TBC1D19: variants seen among roughly 807,000 people sequenced by gnomAD.
The protein encoded by TBC1D19 is TBC1 domain family member 19.
A neutral mutation model predicts 89.0 loss-of-function variants in TBC1D19; 60 were observed. That is an observed-to-expected ratio of 0.67 (90% confidence interval 0.55 to 0.84). The LOEUF (loss-of-function observed/expected upper bound fraction) is 0.84, where lower values mean the gene tolerates loss of function less well. Among genes scored for constraint, TBC1D19 ranks in the 40% least tolerant of loss-of-function variants. The pLI is 0.00. For missense variants in TBC1D19, 500 were observed against 610.8 expected, an observed-to-expected ratio of 0.82 and a Z score of 1.91; for synonymous variants, 189 against 199.7, an observed-to-expected ratio of 0.95 and a Z score of 0.45.
the TBC1D19 span, among the ~76,000 whole-genome samples, chr4:26,794,219 T>TA: frequency 6.6e-6 from 1 of 152,248 alleles, no homozygotes; most frequent in Non-Finnish European, 1.5e-5. Flanking sequence ...GAATTGCTGT[T>TA]ATTTATATTT....
At chr4:26,800,564 C>A in the TBC1D19 span, among the ~76,000 whole-genome samples, 1 of 152,202 alleles carries the variant, frequency 6.6e-6, no homozygotes, top group South Asian at 2.1e-4. Flanking sequence ...AGTTCTAGAT[C>A]CCTGAGGAAT....
intron 1 of TBC1D19, among the ~76,000 whole-genome samples, chr4:26,605,142 T>C (rs1225053094): frequency 2.6e-5 from 4 of 151,558 alleles, no homozygotes; most frequent in Admixed American, 2.0e-4. Flanking sequence ...CATGCTGGTG[T>C]GCTGCACCCA....
At chr4:26,596,905 G>T (rs57698251) in intron 1 of TBC1D19, among the ~76,000 whole-genome samples, 1,768 of 152,234 alleles carry the variant, frequency 0.012, 44 homozygotes, top group African/African-American at 0.041. Context: ...TACTTTAAAA[G>T]ATATTTTTGT....
At position 26,750,501 on chromosome 4, in the gene TBC1D19, C is replaced by A. The variant is rs376878332; in HGVS notation, c.1435+1975C>A. 3.7e-3 allele frequency among the ~76,000 whole-genome samples: 567 copies of A among 152,300 alleles called. 1 individual carries two copies. Among genetic ancestry groups the A allele is most frequent in the South Asian group, 0.028 (134 of 4,822 alleles). On this transcript the variant is annotated intron_variant, in intron 19 of 20. Transcript: ENST00000264866. ...ATTAGAAAACCTCCAAGCCCTCTTT[C>A]AATTTAAATTCTCTCATTCTGTGCC...
chr4:26,755,026 C>G lies in TBC1D19; in HGVS notation c.*79C>G. 1 of 1,278,022 alleles carries G rather than the reference C, an allele frequency of 7.8e-7. No homozygotes were observed. The highest frequency in any genetic ancestry group is 1.1e-6 in the Non-Finnish European group (1 of 930,624). The allele number at this position is 1,278,022 out of a possible 1,614,324, so 79.2% of individuals were successfully genotyped here. A position where few individuals can be genotyped will look rare whatever the true frequency, so the allele number is the denominator to read the frequency against. On this transcript the variant is annotated 3_prime_UTR_variant, in exon 21 of 21. Coordinates refer to ENST00000264866, the MANE Select transcript of TBC1D19 (RefSeq NM_018317.4). ...GAACTATGCAAACTCTGCATAAAAC[C>G]AAAATGAAACTTTGCATATAAGCCA...
chr4:26,842,403 G>A, the TBC1D19 span, among the ~76,000 whole-genome samples: 1 of 125,718 alleles, frequency 8.0e-6, no homozygotes, highest in Non-Finnish European at 1.6e-5. Context: ...GGAGTGCAGT[G>A]GTGTGATCAC....
At chr4:26,656,311 T>C (rs1744800580) in intron 7 of TBC1D19, among the ~76,000 whole-genome samples, 1 of 152,094 alleles carries the variant, frequency 6.6e-6, no homozygotes, top group South Asian at 2.1e-4. Context: ...TTTCATGTCA[T>C]TACCCATATT....
the TBC1D19 span, among the ~76,000 whole-genome samples, chr4:26,769,768 G>A: frequency 7.9e-5 from 12 of 151,738 alleles, no homozygotes; most frequent in Non-Finnish European, 1.6e-4. Context: ...GGCTGGTCTC[G>A]AACTTCTGAG....
At chr4:26,751,966 G>GT (rs1424635294) in intron 19 of TBC1D19, among the ~76,000 whole-genome samples, 2 of 152,104 alleles carry the variant, frequency 1.3e-5, no homozygotes, top group African/African-American at 4.8e-5. Flanking sequence ...AGTCTCAATA[G>GT]TATCTTCACA....
At position 26,640,668 on chromosome 4, in the gene TBC1D19, C is replaced by T. The variant is rs1743438439; in HGVS notation, c.480+481C>T. ...CTTTCTGACCCAAGGGAAGCCATAA[C>T]AGACTGTACCAGGAAAATCAGAACA... On this transcript the variant is annotated intron_variant, in intron 7 of 20. Transcript: ENST00000264866. Among the ~76,000 whole-genome samples, 4 of 152,214 alleles carry T rather than the reference C, an allele frequency of 2.6e-5. No homozygotes were observed. The South Asian group carries it at 8.3e-4, about 32-fold the overall frequency.
chr4:26,692,886 C>A (rs1714423447), intron 13 of TBC1D19, among the ~76,000 whole-genome samples: 2 of 152,136 alleles, frequency 1.3e-5, no homozygotes, highest in Admixed American at 6.5e-5. Flanking sequence ...AATCAGCTGG[C>A]AATTAGAGGA....
At chr4:26,844,622 T>C in the TBC1D19 span, among the ~76,000 whole-genome samples, 1 of 152,250 alleles carries the variant, frequency 6.6e-6, no homozygotes, top group Non-Finnish European at 1.5e-5. Flanking sequence ...GAAGAAGTTA[T>C]TCAAGTCTGT....
chr4:26,628,362 C>T (rs546024633), intron 4 of TBC1D19, among the ~76,000 whole-genome samples: 23 of 152,138 alleles, frequency 1.5e-4, no homozygotes, highest in Admixed American at 3.3e-4. Context: ...ATTGACTTGG[C>T]GATGCAGGCT....
intron 9 of TBC1D19, among the ~76,000 whole-genome samples, chr4:26,667,827 C>T (rs1711947521): frequency 6.6e-6 from 1 of 151,916 alleles, no homozygotes; most frequent in South Asian, 2.1e-4. Context: ...GTGTTAGTAC[C>T]AGTTTACACT....
chr4:26,605,568 C>T (rs983664942), intron 1 of TBC1D19, among the ~76,000 whole-genome samples: 1 of 152,028 alleles, frequency 6.6e-6, no homozygotes, highest in African/African-American at 2.4e-5. Flanking sequence ...AGTATATACC[C>T]CGTAATGGAA....
intron 1 of TBC1D19, among the ~76,000 whole-genome samples, chr4:26,596,452 A>G (rs1331087536): frequency 3.1e-5 from 4 of 130,302 alleles, no homozygotes; most frequent in East Asian, 4.4e-4. Context: ...GATAATGGTA[A>G]CTCGTGTGTG....
At chr4:26,829,529 A>G in the TBC1D19 span, among the ~76,000 whole-genome samples, 4 of 152,148 alleles carry the variant, frequency 2.6e-5, no homozygotes, top group African/African-American at 9.7e-5. Flanking sequence ...AGTCTTGGGT[A>G]GGTGTTAGGG....
intron 8 of TBC1D19, among the ~76,000 whole-genome samples, chr4:26,665,801 G>T (rs562616532): frequency 6.6e-6 from 1 of 152,050 alleles, no homozygotes; most frequent in East Asian, 1.9e-4. Flanking sequence ...TTCAGGAAAG[G>T]TTTAAAGTTA....
At chr4:26,668,779 A>G (rs1712031761) in intron 9 of TBC1D19, among the ~76,000 whole-genome samples, 1 of 151,918 alleles carries the variant, frequency 6.6e-6, no homozygotes, top group Non-Finnish European at 1.5e-5. Flanking sequence ...CGCATCTTTA[A>G]AACCTCTGTT....
Sources: allele counts gnomAD v4.1 joint callset (sites outside exome capture counted in the v4.1 genomes callset), GRCh38; gene constraint gnomAD v4.1.1; transcripts MANE v1.5; gene names NCBI Gene and HGNC (gene_info 2026-07-23, HGNC 2026-07-21).